The following CHST5 variants were observed in gnomAD, a reference collection of about 807,000 sequenced individuals.
CHST5 encodes the protein carbohydrate sulfotransferase 5.
For synonymous variants in CHST5, 313 were observed against 279.2 expected (o/e 1.12, Z -1.21); for missense variants, 637 against 602.1 (o/e 1.06, Z -0.61).
rs180768999 is a variant in CHST5, at chr16:75,531,499, G to A, written c.-1115C>T. 7.7e-7 allele frequency: 1 copy of A among 1,296,176 alleles called. No homozygotes were observed. The highest frequency in any genetic ancestry group is 1.5e-5 in the African/African-American group (1 of 65,832). 80.3% of individuals were successfully genotyped at this position (1,296,176 alleles called of 1,614,324 possible). On this transcript the variant is annotated 5_prime_UTR_variant, in exon 4 of 4. Coordinates refer to ENST00000336257, the MANE Select transcript of CHST5 (RefSeq NM_024533.5). ...CTGTGGGTTTGCAAGAAGATCAGTT[G>A]ATGGGGAGCTGGGATGGAGCCCAAG...
At chr16:75,534,025 C>G (rs1232151476) in intron 2 of CHST5, among the ~76,000 whole-genome samples, 1 of 84,152 alleles carries the variant, frequency 1.2e-5, no homozygotes, top group African/African-American at 5.0e-5. Flanking sequence ...GCAACAGGAG[C>G]AAAACTCCAT....
In CHST5 at chr16:75,531,642, T is replaced by C; in HGVS notation, c.-1256-2A>G. 7.7e-7 allele frequency: 1 copy of C among 1,303,762 alleles called. No homozygotes were observed. The highest frequency in any genetic ancestry group is 1.0e-6 in the Non-Finnish European group (1 of 988,608). The allele number at this position is 1,303,762 out of a possible 1,614,324, so 80.8% of individuals were successfully genotyped here. On this transcript the variant is annotated splice_acceptor_variant, in intron 3 of 3. Coordinates refer to ENST00000336257, the MANE Select transcript of CHST5 (RefSeq NM_024533.5). LOFTEE classifies it low-confidence loss of function (5UTR_SPLICE). ...AATCCATGGGAGATGTCTCGACATC[T>C]GGCAAAGCAGGAAGGAGAGGAGATC...
In CHST5 at chr16:75,530,874, A is replaced by C. The variant is rs2080513374; in HGVS notation, c.-490T>G. 5.0e-6 allele frequency: 5 copies of C among 1,000,062 alleles called. No homozygotes were observed. Among genetic ancestry groups the C allele is most frequent in the Non-Finnish European group, 6.0e-6 (5 of 828,816 alleles). The allele number at this position is 1,000,062 out of a possible 1,614,324, so 61.9% of individuals were successfully genotyped here. On this transcript the variant is annotated 5_prime_UTR_variant, in exon 4 of 4. Transcript: ENST00000336257. ...CACTTTACCCGTGTGTGAAAGAGGGATAATTCCGGTACCTGGCTCACAGGA... is the reference window on the plus strand; with the variant it reads ...CACTTTACCCGTGTGTGAAAGAGGGCTAATTCCGGTACCTGGCTCACAGGA...
rs143242833 is a variant in CHST5 at position 75,529,912 on chromosome 16, C to T, written c.473G>A (p.Ser158Asn). The change falls in exon 4 of 4, where the codon AGC becomes AAC. Residue 158 changes from serine (S) to asparagine (N), a missense_variant. Coordinates refer to ENST00000336257, the MANE Select transcript of CHST5 (RefSeq NM_024533.5). ...SRALCSPPAC[S>N]AFPRGTISKQ... ...GCTGATGGTGCCTCGGGGAAAGGCG[C>T]TGCAGGCGGGCGGCGAGCACAGCGC... is the stretch of plus-strand genomic sequence containing the variant. 6.2e-7 allele frequency: 1 copy of T among 1,613,422 alleles called. No individual in the cohort carries two copies.
rs148400862 is a variant in CHST5, at chr16:75,529,462, G to A, written c.923C>T (p.Ala308Val). ...GGTCAGGCCGGTGAAGGCGTAGAGT[G>A]CGCGGATCTCTGCCAGCGGCTCCCG... Reference protein sequence around the residue: ...LAREPLAEIRALYAFTGLTLT... With the variant: ...LAREPLAEIRVLYAFTGLTLT... The change falls in exon 4 of 4, where the codon GCA becomes GTA. Residue 308 changes from alanine (A) to valine (V), a missense_variant. Physicochemically the swap from Ala to Val is moderately conservative, Grantham distance 64. Coordinates refer to ENST00000336257, the MANE Select transcript of CHST5 (RefSeq NM_024533.5). 1.0e-4 allele frequency: 166 copies of A among 1,612,720 alleles called. 1 individual carries two copies. The African/African-American group carries it at 2.1e-3, about 21-fold the overall frequency.
rs1299882060 is a variant in CHST5 at position 75,530,149 on chromosome 16, C to T, written c.236G>A (p.Gly79Asp). 6.8e-6 allele frequency: 11 copies of T among 1,613,472 alleles called. No homozygotes were observed. The highest frequency in any genetic ancestry group is 9.3e-6 in the Non-Finnish European group (11 of 1,180,002). The part of the protein sequence containing the change: ...SSWRSGSSFL[G>D]QLFSQHPDVF... Reference sequence around the variant, plus strand: ...GTCGGGGTGCTGGCTGAAGAGCTGGCCCAAGAAGGATGAGCCCGAGCGCCA... The same window carrying T: ...GTCGGGGTGCTGGCTGAAGAGCTGGTCCAAGAAGGATGAGCCCGAGCGCCA... Residue 79 changes from glycine to aspartate, a missense_variant, in exon 4 of 4, where the codon GGC becomes GAC. Transcript: ENST00000336257.
rs1195920704 is a variant in CHST5 at position 75,531,264 on chromosome 16, G to A, written c.-880C>T. The A allele has an allele frequency of 3.2e-5, 22 of 681,348 alleles. 1 individual carries two copies. Among genetic ancestry groups the A allele is most frequent in the Middle Eastern group, 7.3e-4 (1 of 1,376 alleles). 42.2% of individuals were successfully genotyped at this position (681,348 alleles called of 1,614,324 possible). On this transcript the variant is annotated 5_prime_UTR_variant, in exon 4 of 4. Coordinates refer to ENST00000336257, the MANE Select transcript of CHST5 (RefSeq NM_024533.5). ...GTGAACCTGGGAGGCAGAGGTGGCAGTGAGCTGAGATTGCGCCACTGCACT... is the reference window on the plus strand; with the variant it reads ...GTGAACCTGGGAGGCAGAGGTGGCAATGAGCTGAGATTGCGCCACTGCACT...
At chr16:75,531,750 G>A (rs1597028419) in intron 3 of CHST5, 110 bp from the exon 4 acceptor site, 1 of 739,482 alleles carries the variant, frequency 1.4e-6, no homozygotes. Flanking sequence ...TTTGCTTCAG[G>A]ATAACTCGTA....
In CHST5 at chr16:75,530,286, T is replaced by G. The variant is rs751443776; in HGVS notation, c.99A>C (p.Thr33=). The stretch of plus-strand genomic sequence containing the variant: ...AGGTGGTCTGTGCCAGGAGGAGCAC[T>G]GTCACTGTCTTGCTGGAGAACCGTG... ...WLPRFSSKTV[T]VLLLAQTTCL... Residue 33 remains threonine, a synonymous_variant, in exon 4 of 4, where the codon ACA becomes ACC. Transcript: ENST00000336257. The G allele has an allele frequency of 6.3e-5, 102 of 1,612,308 alleles. No individual in the cohort carries two copies. In the Admixed American group the frequency reaches 1.7e-3, roughly 26 times the overall value.
intron 2 of CHST5, among the ~76,000 whole-genome samples, chr16:75,533,828 C>T (rs1423350800): frequency 1.3e-5 from 2 of 151,790 alleles, no homozygotes; most frequent in East Asian, 2.0e-4. Flanking sequence ...TCACCAGACG[C>T]CAGGAGTTCA....
At position 75,530,394 on chromosome 16, in the gene CHST5, C is replaced by G. The variant is rs770275521; in HGVS notation, c.-10G>C. ...GGGCCCTCATGCCCATCCCATGCCCCAATTACTGCCCAGTGCCCTCAGGGA... is the reference window on the plus strand; with the variant it reads ...GGGCCCTCATGCCCATCCCATGCCCGAATTACTGCCCAGTGCCCTCAGGGA... On this transcript the variant is annotated 5_prime_UTR_variant, in exon 4 of 4. Coordinates refer to ENST00000336257, the MANE Select transcript of CHST5 (RefSeq NM_024533.5). 1.3e-6 allele frequency: 2 copies of G among 1,513,922 alleles called. No individual in the cohort carries two copies. Among genetic ancestry groups the G allele is most frequent in the Non-Finnish European group, 1.8e-6 (2 of 1,127,286 alleles). The allele number at this position is 1,513,922 out of a possible 1,614,324, so 93.8% of individuals were successfully genotyped here.
chr16:75,534,747 A>G (rs1325778252), intron 2 of CHST5, among the ~76,000 whole-genome samples: 1 of 152,234 alleles, frequency 6.6e-6, no homozygotes, highest in Non-Finnish European at 1.5e-5. Flanking sequence ...CCCTAGAGGC[A>G]GTGAGGCACG....
chr16:75,535,091 G>C (rs1002725610), intron 2 of CHST5, 36 bp downstream of exon 2: 1 of 152,448 alleles, frequency 6.6e-6, no homozygotes, highest in Admixed American at 6.5e-5. Context: ...ACCGAGTGTG[G>C]GGACACCTCC....
At position 75,529,563 on chromosome 16, in the gene CHST5, G is replaced by A. The variant is rs779038736; in HGVS notation, c.822C>T (p.Ile274=). ...GCGGCTTGAGTGTGGCGGCCTCGGC[G>A]ATGCGCACGTGGCTGCGGCACACCT... ...IREVCRSHVR[I]AEAATLKPPP... Residue 274 remains isoleucine, a synonymous_variant, in exon 4 of 4, where the codon ATC becomes ATT. Transcript: ENST00000336257. The A allele has an allele frequency of 7.0e-5, 112 of 1,609,234 alleles. No individual in the cohort carries two copies. The Admixed American group carries it at 1.8e-3, about 25-fold the overall frequency.
rs1244246497 is a variant in CHST5 at position 75,531,650 on chromosome 16, C to A, written c.-1256-10G>T. The stretch of plus-strand genomic sequence containing the variant: ...GGAGATGTCTCGACATCTGGCAAAG[C>A]AGGAAGGAGAGGAGATCAGAGCCCT... On this transcript the variant is annotated splice_polypyrimidine_tract_variant and intron_variant, in intron 3 of 3. Transcript: ENST00000336257. The A allele has an allele frequency of 7.7e-7, 1 of 1,303,390 alleles. No individual in the cohort carries two copies. The highest frequency in any genetic ancestry group is 1.2e-5 in the South Asian group (1 of 80,988). The allele number at this position is 1,303,390 out of a possible 1,614,324, so 80.7% of individuals were successfully genotyped here.
In CHST5 at chr16:75,529,836, G is replaced by C; in HGVS notation, c.549C>G (p.Ala183=). The change falls in exon 4 of 4, where the codon GCC becomes GCG. Residue 183 remains alanine, a synonymous_variant. Transcript: ENST00000336257. The part of the protein sequence containing the change: ...TLCTRQPFSL[A]REACRSYSHV... ...GGCTGTAGGAGCGGCAGGCCTCCCG[G>C]GCCAGGCTGAATGGCTGCCGCGTGC... The C allele has an allele frequency of 6.2e-7, 1 of 1,613,616 alleles. No individual in the cohort carries two copies. Among genetic ancestry groups the C allele is most frequent in the Non-Finnish European group, 8.5e-7 (1 of 1,179,920 alleles).
rs1327374234 is a variant in CHST5 at position 75,529,379 on chromosome 16, T to A, written c.1006A>T (p.Lys336Ter). 2 of 1,613,110 alleles carry A rather than the reference T, an allele frequency of 1.2e-6. No individual in the cohort carries two copies. The highest frequency in any genetic ancestry group is 1.7e-6 in the Non-Finnish European group (2 of 1,179,918). The change falls in exon 4 of 4, where the codon AAG becomes TAG. Residue 336 changes from lysine to a stop codon, truncating the protein, a stop_gained. Transcript: ENST00000336257. LOFTEE classifies it low-confidence loss of function (END_TRUNC). ...GAAGTATGGAAGGCCTCGATTGGCT[T>A]GCCGATCCCCGACCCGTGGGTGATG... The part of the protein sequence containing the change: ...HNITHGSGIG[K>*]PIEAFHTSSR...
Position 75,529,123 on chromosome 16 carries a change from G to A in CHST5, c.*26C>T, listed in dbSNP as rs1683950746. 1.6e-5 allele frequency: 24 copies of A among 1,532,440 alleles called. No individual in the cohort carries two copies. The highest frequency in any genetic ancestry group is 2.3e-5 in the East Asian group (1 of 44,098). 94.9% of individuals were successfully genotyped at this position (1,532,440 alleles called of 1,614,324 possible). A position where few individuals can be genotyped will look rare whatever the true frequency, so the allele number is the denominator to read the frequency against. On this transcript the variant is annotated 3_prime_UTR_variant, in exon 4 of 4. Coordinates refer to ENST00000336257, the MANE Select transcript of CHST5 (RefSeq NM_024533.5). ...CTCCTGGGCCTGGCGACCACAGTTC[G>A]GGGCCTGCTCTAAGGCCCAGAGTTC... is the stretch of plus-strand genomic sequence containing the variant.
chr16:75,530,697 G>A lies in CHST5; in HGVS notation c.-313C>T, dbSNP rs1488840099. On this transcript the variant is annotated 5_prime_UTR_variant, in exon 4 of 4. Transcript: ENST00000336257. ...TTTGCTTCAGGATACCTCTTAGAGA[G>A]ACCCTTTTAGGTTGTGGAGCTAAAA... 3 of 1,164,800 alleles carry A rather than the reference G, an allele frequency of 2.6e-6. No individual in the cohort carries two copies. Among genetic ancestry groups the A allele is most frequent in the African/African-American group, 1.6e-5 (1 of 62,944 alleles). 72.2% of individuals were successfully genotyped at this position (1,164,800 alleles called of 1,614,324 possible).
Sources: gnomAD v4.1 joint callset for allele counts (sites outside exome capture counted in the v4.1 genomes callset) on GRCh38, gnomAD v4.1.1 for gene constraint, MANE v1.5 for transcripts, NCBI Gene and HGNC (gene_info 2026-07-23, HGNC 2026-07-21) for gene names.